The following DLGAP2 variants were observed in gnomAD, a reference collection of about 807,000 sequenced individuals.
The protein encoded by DLGAP2 is DLG associated protein 2, also known as disks large-associated protein 2.
Under a neutral mutation model 100.3 loss-of-function variants are expected in DLGAP2, and 26 were observed. The ratio of observed to expected loss-of-function variants is 0.26; its 90% CI spans 0.19 to 0.36. DLGAP2 has a LOEUF of 0.36. DLGAP2 is among the 10% of genes least tolerant of loss of function. The probability of loss-of-function intolerance (pLI) is 1.00; values close to 1 mark genes in which losing one functional copy is unlikely to be tolerated. For synonymous variants in DLGAP2, 886 were observed against 630.1 expected, an observed-to-expected ratio of 1.41 and a Z score of -6.08; for missense variants, 1,858 against 1,453.2, an observed-to-expected ratio of 1.28 and a Z score of -4.53.
intron 1 of DLGAP2, among the ~76,000 whole-genome samples, chr8:766,802 G>C (rs749475071): frequency 1.3e-5 from 2 of 152,218 alleles, no homozygotes; most frequent in Non-Finnish European, 2.9e-5. Flanking sequence ...GATGGACACT[G>C]TGTCCATCCT....
chr8:794,609 C>A (rs192874065), intron 1 of DLGAP2, among the ~76,000 whole-genome samples: 1 of 152,200 alleles, frequency 6.6e-6, no homozygotes, highest in African/African-American at 2.4e-5. Flanking sequence ...AAGTGGTTTT[C>A]TACCCTGGGC....
intron 3 of DLGAP2, among the ~76,000 whole-genome samples, chr8:1,458,552 G>A (rs764669820): frequency 6.6e-6 from 1 of 152,172 alleles, no homozygotes; most frequent in Non-Finnish European, 1.5e-5. Flanking sequence ...TCAGACTTCA[G>A]GGAGTTCATG....
At chr8:1,148,978 G>T (rs111947680) in intron 2 of DLGAP2, among the ~76,000 whole-genome samples, 5,104 of 151,994 alleles carry the variant, frequency 0.034, 122 homozygotes, top group Non-Finnish European at 0.041. Flanking sequence ...TTATATTTTC[G>T]GATTAATTTA....
At chr8:1,025,956 G>T (rs1024790955) in intron 2 of DLGAP2, among the ~76,000 whole-genome samples, 1 of 152,212 alleles carries the variant, frequency 6.6e-6, no homozygotes, top group South Asian at 2.1e-4. Flanking sequence ...CACCTGGGAC[G>T]CACATCTGGG....
intron 3 of DLGAP2, among the ~76,000 whole-genome samples, chr8:1,451,715 C>A (rs1483869832): frequency 6.6e-6 from 1 of 152,182 alleles, no homozygotes; most frequent in Non-Finnish European, 1.5e-5. Flanking sequence ...ATGCTGCCTC[C>A]GCCTCAGCAA....
Position 895,228 on chromosome 8 carries a change from A to C in DLGAP2, c.19-12684A>C, listed in dbSNP as rs147924908. Among the ~76,000 whole-genome samples, 27 of 152,222 alleles carry C rather than the reference A, an allele frequency of 1.8e-4. No individual in the cohort carries two copies. The East Asian group carries it at 4.4e-3, about 25-fold the overall frequency. ...GGTGATGGATATGCTAATTAGCTCA[A>C]TTTGGTCATTCCACAATGTATGCAG... On this transcript the variant is annotated intron_variant, in intron 1 of 14. Transcript: ENST00000637795.
rs71497181 is a variant in DLGAP2 at position 1,350,429 on chromosome 8, G to A, written c.106+91546G>A. ...CTGACTGTGCGTGGAAAGGCCGCGC[G>A]GGTCCTGAGTGTGCGTGGAAAGGCC... On this transcript the variant is annotated intron_variant, in intron 3 of 14. Transcript: ENST00000637795. Among the ~76,000 whole-genome samples, 4 of 93,420 alleles carry A rather than the reference G, an allele frequency of 4.3e-5. 1 individual carries two copies. The highest frequency in any genetic ancestry group is 3.3e-4 in the Admixed American group (3 of 9,168). The allele number at this position is 93,420 out of a possible 152,430, so 61.3% of individuals were successfully genotyped here. A position where few individuals can be genotyped will look rare whatever the true frequency, so the allele number is the denominator to read the frequency against.
At chr8:1,467,825 G>T (rs1215629597) in intron 3 of DLGAP2, among the ~76,000 whole-genome samples, 1 of 152,244 alleles carries the variant, frequency 6.6e-6, no homozygotes, top group African/African-American at 2.4e-5. Context: ...CCCTGCTGCA[G>T]GGGTGGCGCC....
chr8:1,699,792 C>T (rs11787218), intron 14 of DLGAP2, among the ~76,000 whole-genome samples: 7,241 of 152,220 alleles, frequency 0.048, 233 homozygotes, highest in Middle Eastern at 0.061. Context: ...ATCTGCTGGA[C>T]ACTCCTACAG....
At chr8:1,488,121 G>T (rs1034611199) in intron 3 of DLGAP2, among the ~76,000 whole-genome samples, 3 of 152,182 alleles carry the variant, frequency 2.0e-5, no homozygotes, top group African/African-American at 4.8e-5. Context: ...AGCCCACTCA[G>T]GGCAGAGCCT....
At chr8:1,341,052 G>C (rs975098571) in intron 3 of DLGAP2, among the ~76,000 whole-genome samples, 2 of 152,108 alleles carry the variant, frequency 1.3e-5, no homozygotes, top group Non-Finnish European at 2.9e-5. Context: ...CGGACACATA[G>C]AGGGGAACAA....
At chr8:919,496 A>C (rs1233825854) in intron 2 of DLGAP2, among the ~76,000 whole-genome samples, 1 of 152,088 alleles carries the variant, frequency 6.6e-6, no homozygotes, top group African/African-American at 2.4e-5. Flanking sequence ...AGGAAAGGCA[A>C]GTCCTGCTGG....
chr8:1,206,707 C>T (rs1464091817), intron 2 of DLGAP2, among the ~76,000 whole-genome samples: 1 of 152,040 alleles, frequency 6.6e-6, no homozygotes, highest in Non-Finnish European at 1.5e-5. Context: ...GTCTCCCGAG[C>T]GCCTGGCACA....
rs1799610359 is a variant in DLGAP2 at position 1,702,802 on chromosome 8, G to T, written c.*1396G>T. ...AAAAGCCTGTCCGATTTTTCCATGGGTTCCAGTTTCAGAGTTCTCATTATT... is the reference window on the plus strand; with the variant it reads ...AAAAGCCTGTCCGATTTTTCCATGGTTTCCAGTTTCAGAGTTCTCATTATT... On this transcript the variant is annotated 3_prime_UTR_variant, in exon 15 of 15. Transcript: ENST00000637795. 6.6e-6 allele frequency: 1 copy of T among 152,440 alleles called. No homozygotes were observed. Among genetic ancestry groups the T allele is most frequent in the Non-Finnish European group, 1.5e-5 (1 of 68,032 alleles). The allele number at this position is 152,440 out of a possible 1,614,324, so 9.4% of individuals were successfully genotyped here. A position where few individuals can be genotyped will look rare whatever the true frequency, so the allele number is the denominator to read the frequency against.
At chr8:825,588 G>A (rs1360500745) in intron 1 of DLGAP2, among the ~76,000 whole-genome samples, 1 of 152,146 alleles carries the variant, frequency 6.6e-6, no homozygotes, top group Non-Finnish European at 1.5e-5. Flanking sequence ...CATTCCAGAT[G>A]TTGCTAATTT....
chr8:1,286,628 T>C (rs1799927524), intron 3 of DLGAP2, among the ~76,000 whole-genome samples: 1 of 152,220 alleles, frequency 6.6e-6, no homozygotes, highest in African/African-American at 2.4e-5. Flanking sequence ...TAGTCTGACC[T>C]GAACTGTGTA....
intron 4 of DLGAP2, among the ~76,000 whole-genome samples, chr8:1,526,718 C>T (rs1390790510): frequency 6.6e-6 from 1 of 152,200 alleles, no homozygotes. Flanking sequence ...TATCCAGCCA[C>T]TAACTCCACA....
At chr8:1,138,029 C>T (rs1238839488) in intron 2 of DLGAP2, among the ~76,000 whole-genome samples, 4 of 152,190 alleles carry the variant, frequency 2.6e-5, no homozygotes, top group Non-Finnish European at 5.9e-5. Context: ...AGCCACGGCG[C>T]CCGGCCCCCT....
In DLGAP2 at chr8:906,041, G is replaced by A. The variant is rs79650121; in HGVS notation, c.19-1871G>A. On this transcript the variant is annotated intron_variant, in intron 1 of 14. Coordinates refer to ENST00000637795, the MANE Select transcript of DLGAP2 (RefSeq NM_001346810.2). ...CACTTGCGTTAGTCTGGAGCTAACC[G>A]TCGGTGCTGGGGATGCCGGGGCAGG... Among the ~76,000 whole-genome samples, 66 of 152,356 alleles carry A rather than the reference G, an allele frequency of 4.3e-4. No individual in the cohort carries two copies. In the East Asian group the frequency reaches 0.011, roughly 25 times the overall value.
Sources: gnomAD v4.1 joint callset for allele counts (sites outside exome capture counted in the v4.1 genomes callset) on GRCh38, gnomAD v4.1.1 for gene constraint, MANE v1.5 for transcripts, NCBI Gene and HGNC (gene_info 2026-07-23, HGNC 2026-07-21) for gene names.